B4GALNT2: variants seen among roughly 807,000 people sequenced by gnomAD.
B4GALNT2 encodes N-acetylneuraminylgalactosylglucosyl-glucoside beta-1,4-N- acetylgalactosaminyltransferase 2.
In B4GALNT2, 42 loss-of-function variants were observed where a neutral mutation model predicts 51.1. The observed-to-expected ratio is 0.82, with a 90% CI of 0.64 to 1.06. B4GALNT2 has a LOEUF of 1.06. Among genes scored for constraint, B4GALNT2 ranks in the 50% least tolerant of loss-of-function variants. The pLI is 0.00. For synonymous variants in B4GALNT2, 253 were observed against 251.7 expected, an observed-to-expected ratio of 1.01 and a Z score of -0.05; for missense variants, 602 against 633.6, an observed-to-expected ratio of 0.95 and a Z score of 0.54.
At chr17:49,133,111 G>A (rs1315050021) in intron 1 of B4GALNT2, 2 of 1,525,288 alleles carry the variant, frequency 1.3e-6, no homozygotes, top group Non-Finnish European at 1.7e-6. Flanking sequence ...ACGCCCGAGT[G>A]TGGGAATCGG....
At chr17:49,126,513 C>A in the B4GALNT2 span, among the ~76,000 whole-genome samples, 71,048 of 141,244 alleles carry the variant, frequency 0.5, 18,388 homozygotes, top group Middle Eastern at 0.61. Context: ...AAAAAAAAAA[C>A]AAACTCCGTG....
chr17:49,160,639 C>A lies in B4GALNT2; in HGVS notation c.764C>A (p.Pro255Gln). ...ATACCCAAGCTATACGACCCTGGAC[C>A]AGGTAAGGCCCTTGTCCTTGGGGCT... is the stretch of plus-strand genomic sequence containing the variant. ...PVIPKLYDPG[P>Q]ERKLRNLVTI... The change falls in exon 7 of 11, where the codon CCA (proline) becomes CAA (glutamine). Residue 255 changes from proline to glutamine, a missense_variant and splice_region_variant. Pro to Gln is a moderately conservative substitution (Grantham distance 76). Transcript: ENST00000393354. 1 of 1,613,552 alleles carries A rather than the reference C, an allele frequency of 6.2e-7. No homozygotes were observed. The highest frequency in any genetic ancestry group is 8.5e-7 in the Non-Finnish European group (1 of 1,179,552).
chr17:49,156,599 A>G lies in B4GALNT2; in HGVS notation c.494A>G (p.Tyr165Cys), dbSNP rs1330427089. 1 of 1,613,718 alleles carries G rather than the reference A, an allele frequency of 6.2e-7. No individual in the cohort carries two copies. Among genetic ancestry groups the G allele is most frequent in the Non-Finnish European group, 8.5e-7 (1 of 1,179,880 alleles). Reference sequence around the variant, plus strand: ...TTTGAAGGACCCGATGCCCCCGTCTATGAGGTGAGTCCTTCTCCCAGCCCC... The same window carrying G: ...TTTGAAGGACCCGATGCCCCCGTCTGTGAGGTGAGTCCTTCTCCCAGCCCC... ...LQFEGPDAPV[Y>C]EVTLTASLGT... The change falls in exon 5 of 11, where the codon TAT becomes TGT. Residue 165 changes from tyrosine to cysteine, a missense_variant. Physicochemically the swap from Tyr to Cys is radical, Grantham distance 194. Coordinates refer to ENST00000393354, the MANE Select transcript of B4GALNT2 (RefSeq NM_001159387.2).
chr17:49,173,423 C>A lies in B4GALNT2; in HGVS notation c.*3695C>A, dbSNP rs1023217785. ...TTCAAGCCAGAGTTAGAAGCTTTAC[C>A]ATTACTAGACCCATCTGTGAAGACA... is the stretch of plus-strand genomic sequence containing the variant. On this transcript the variant is annotated 3_prime_UTR_variant, in exon 11 of 11. Transcript: ENST00000393354. The A allele has an allele frequency of 1.3e-5, 2 of 152,170 alleles. No individual in the cohort carries two copies. Among genetic ancestry groups the A allele is most frequent in the Admixed American group, 1.3e-4 (2 of 15,262 alleles). The allele number at this position is 152,170 out of a possible 1,614,324, so 9.4% of individuals were successfully genotyped here. A position where few individuals can be genotyped will look rare whatever the true frequency, so the allele number is the denominator to read the frequency against.
At chr17:49,133,031 G>T in intron 1 of B4GALNT2, 2 of 1,491,126 alleles carry the variant, frequency 1.3e-6, no homozygotes, top group Non-Finnish European at 1.8e-6. Context: ...CAGGAATGGG[G>T]AGCGCTGGCT....
chr17:49,156,701 T>C, intron 5 of B4GALNT2, 98 bp downstream of exon 5: 1 of 1,387,246 alleles, frequency 7.2e-7, no homozygotes, highest in Non-Finnish European at 1.0e-6. Context: ...CTGTCCAGAT[T>C]CAAGGTCAGA....
intron 5 of B4GALNT2, among the ~76,000 whole-genome samples, chr17:49,158,670 A>T (rs999228395): frequency 6.6e-6 from 1 of 151,184 alleles, no homozygotes; most frequent in Admixed American, 6.6e-5. Context: ...AATCCAGATC[A>T]AGGTCTGAAA....
chr17:49,175,109 G>A lies in B4GALNT2; in HGVS notation c.*5381G>A, dbSNP rs1235193336. Reference sequence around the variant, plus strand: ...CAGGGGCTTTACCAACTCCAACTATGTTAAATTGAGTGGGTTGAATTTGCC... The same window carrying A: ...CAGGGGCTTTACCAACTCCAACTATATTAAATTGAGTGGGTTGAATTTGCC... On this transcript the variant is annotated 3_prime_UTR_variant, in exon 11 of 11. Coordinates refer to ENST00000393354, the MANE Select transcript of B4GALNT2 (RefSeq NM_001159387.2). 1 of 152,152 alleles carries A rather than the reference G, an allele frequency of 6.6e-6. No homozygotes were observed. Among genetic ancestry groups the A allele is most frequent in the Admixed American group, 6.5e-5 (1 of 15,276 alleles). The allele number at this position is 152,152 out of a possible 1,614,324, so 9.4% of individuals were successfully genotyped here.
At position 49,160,618 on chromosome 17, in the gene B4GALNT2, C is replaced by G. The variant is rs764085984; in HGVS notation, c.743C>G (p.Pro248Arg). 3.1e-6 allele frequency: 5 copies of G among 1,614,128 alleles called. No individual in the cohort carries two copies. In the East Asian group the frequency reaches 1.1e-4, roughly 36 times the overall value. ...FPVTIRHPVI[P>R]KLYDPGPERK... Reference sequence around the variant, plus strand: ...GTGACCATCCGCCATCCTGTCATACCCAAGCTATACGACCCTGGACCAGGT... The same window carrying G: ...GTGACCATCCGCCATCCTGTCATACGCAAGCTATACGACCCTGGACCAGGT... The change falls in exon 7 of 11, where the codon CCC becomes CGC. Residue 248 changes from proline to arginine, a missense_variant. Physicochemically the swap from Pro to Arg is moderately radical, Grantham distance 103 (BLOSUM62 -2). Coordinates refer to ENST00000393354, the MANE Select transcript of B4GALNT2 (RefSeq NM_001159387.2).
rs199988212 is a variant in B4GALNT2, at chr17:49,156,576, T to C, written c.471T>C (p.Phe157=). The C allele has an allele frequency of 1.1e-5, 17 of 1,613,734 alleles. No individual in the cohort carries two copies. Among genetic ancestry groups the C allele is most frequent in the Non-Finnish European group, 1.4e-5 (17 of 1,179,930 alleles). The change falls in exon 5 of 11, where the codon TTT becomes TTC. Residue 157 remains phenylalanine, a synonymous_variant. Transcript: ENST00000393354. Reference sequence around the variant, plus strand: ...CCCTGTGTCCTCCAGGCCTCCAGTTTGAAGGACCCGATGCCCCCGTCTATG... The same window carrying C: ...CCCTGTGTCCTCCAGGCCTCCAGTTCGAAGGACCCGATGCCCCCGTCTATG... The part of the protein sequence containing the change: ...LHTVPIPGLQ[F]EGPDAPVYEV...
In B4GALNT2 at chr17:49,176,116, G is replaced by C. The variant is rs2042986061; in HGVS notation, c.*6388G>C. The C allele has an allele frequency of 6.6e-6, 1 of 152,170 alleles. No homozygotes were observed. The highest frequency in any genetic ancestry group is 6.5e-5 in the Admixed American group (1 of 15,272). 9.4% of individuals were successfully genotyped at this position (152,170 alleles called of 1,614,324 possible). A position where few individuals can be genotyped will look rare whatever the true frequency, so the allele number is the denominator to read the frequency against. ...CATGGGGATTGCTTAAGGGTACTCG[G>C]GTGTCCTCCAGCTTAGTTCCACATT... On this transcript the variant is annotated 3_prime_UTR_variant, in exon 11 of 11. Transcript: ENST00000393354.
At position 49,143,122 on chromosome 17, in the gene B4GALNT2, G is replaced by A. The variant is rs551915323; in HGVS notation, c.353+950G>A. On this transcript the variant is annotated intron_variant, in intron 3 of 10. Coordinates refer to ENST00000393354, the MANE Select transcript of B4GALNT2 (RefSeq NM_001159387.2). ...AAATTAGCTAGGCATGGTGACGCAC[G>A]CTTGTAATCCCAGCTACTTGGGAGG... Among the ~76,000 whole-genome samples the A allele has an allele frequency of 2.6e-5, 4 of 152,132 alleles. 1 individual carries two copies. Among genetic ancestry groups the A allele is most frequent in the South Asian group, 2.1e-4 (1 of 4,816 alleles).
upstream of B4GALNT2, chr17:49,132,426 T>G: frequency 2.8e-5 from 7 of 245,800 alleles, no homozygotes; most frequent in Non-Finnish European, 4.7e-5. Context: ...CAAGGCCGAA[T>G]TTAGGGACCC....
At chr17:49,134,396 T>C (rs1304186605) in intron 1 of B4GALNT2, among the ~76,000 whole-genome samples, 1 of 152,172 alleles carries the variant, frequency 6.6e-6, no homozygotes, top group Non-Finnish European at 1.5e-5. Flanking sequence ...TCCTAGCTAT[T>C]TGAAACTATA....
chr17:49,142,725 C>CA (rs753903627), intron 3 of B4GALNT2, among the ~76,000 whole-genome samples: 118 of 138,902 alleles, frequency 8.5e-4, no homozygotes, highest in African/African-American at 2.4e-3. Flanking sequence ...AAAACAAAAA[C>CA]AAAAAAAACA....
chr17:49,129,971 T>C (rs2042529094), upstream of B4GALNT2, among the ~76,000 whole-genome samples: 1 of 152,166 alleles, frequency 6.6e-6, no homozygotes, highest in South Asian at 2.1e-4. Flanking sequence ...TCACTCAGGG[T>C]AGCAGCAGGG....
In B4GALNT2 at chr17:49,171,967, A is replaced by T. The variant is rs1283072425; in HGVS notation, c.*2239A>T. The T allele has an allele frequency of 7.6e-6, 2 of 262,126 alleles. No individual in the cohort carries two copies. The highest frequency in any genetic ancestry group is 1.0e-4 in the Admixed American group (2 of 19,716). The allele number at this position is 262,126 out of a possible 1,614,324, so 16.2% of individuals were successfully genotyped here. On this transcript the variant is annotated 3_prime_UTR_variant, in exon 11 of 11. Coordinates refer to ENST00000393354, the MANE Select transcript of B4GALNT2 (RefSeq NM_001159387.2). Reference sequence around the variant, plus strand: ...CACACAGTGATTACATCCAGGCATTATTGCCAGCCAAGATTGATAAATATG... The same window carrying T: ...CACACAGTGATTACATCCAGGCATTTTTGCCAGCCAAGATTGATAAATATG...
At chr17:49,145,152 A>G (rs923279642) in intron 3 of B4GALNT2, among the ~76,000 whole-genome samples, 3 of 152,184 alleles carry the variant, frequency 2.0e-5, no homozygotes, top group Admixed American at 1.3e-4. Flanking sequence ...AATCGAATTG[A>G]CATTTAGTAT....
chr17:49,169,144 C>T (rs1048978877), intron 10 of B4GALNT2, among the ~76,000 whole-genome samples: 2 of 152,072 alleles, frequency 1.3e-5, no homozygotes, highest in Admixed American at 1.3e-4. Context: ...CCTTCCTTTC[C>T]CTACAGCTCT....
Sources: gnomAD v4.1 joint callset for allele counts (sites outside exome capture counted in the v4.1 genomes callset) on GRCh38, gnomAD v4.1.1 for gene constraint, MANE v1.5 for transcripts, NCBI Gene and HGNC (gene_info 2026-07-23, HGNC 2026-07-21) for gene names.